The following EIF4ENIF1 variants were observed in gnomAD, a reference collection of about 807,000 sequenced individuals.
EIF4ENIF1 encodes eukaryotic translation initiation factor 4E transporter.
In EIF4ENIF1, 23 loss-of-function variants were observed where a neutral mutation model predicts 110.5. The ratio of observed to expected loss-of-function variants is 0.21; its 90% CI spans 0.15 to 0.29. The LOEUF is 0.29. Among genes scored for constraint, EIF4ENIF1 ranks in the 10% least tolerant of loss-of-function variants. The pLI is 1.00. For missense variants in EIF4ENIF1, 1,031 were observed against 1,221.1 expected (o/e 0.84, Z 2.32); for synonymous variants, 440 against 437.0 (o/e 1.01, Z -0.09).
intron 2 of EIF4ENIF1, among the ~76,000 whole-genome samples, chr22:31,486,843 G>C (rs1437479309): frequency 6.6e-6 from 1 of 152,116 alleles, no homozygotes; most frequent in Non-Finnish European, 1.5e-5. Context: ...CACTTTGGGA[G>C]GCCAAGGCGG....
In EIF4ENIF1 at chr22:31,464,958, A is replaced by G. The variant is rs536112473; in HGVS notation, c.299-991T>C. On this transcript the variant is annotated intron_variant, in intron 4 of 18. Transcript: ENST00000330125. Reference sequence around the variant, plus strand: ...GAAAGACACTGTTTAGAGAATGCAAAGACAAGCCACAGACTGAGACAAAAT... The same window carrying G: ...GAAAGACACTGTTTAGAGAATGCAAGGACAAGCCACAGACTGAGACAAAAT... Among the ~76,000 whole-genome samples the G allele has an allele frequency of 2.0e-5, 3 of 151,760 alleles. 1 individual carries two copies. In the South Asian group the frequency reaches 6.3e-4, roughly 32 times the overall value.
At chr22:31,467,859 T>C (rs1292453540) in intron 4 of EIF4ENIF1, among the ~76,000 whole-genome samples, 1 of 151,898 alleles carries the variant, frequency 6.6e-6, no homozygotes, top group Non-Finnish European at 1.5e-5. Flanking sequence ...TGGTCTCACA[T>C]ATGAAAGAAA....
At chr22:31,440,611 A>G (rs2050261292) in intron 18 of EIF4ENIF1, 93 bp downstream of exon 18, 2 of 1,414,332 alleles carry the variant, frequency 1.4e-6, no homozygotes, top group Non-Finnish European at 1.9e-6. Flanking sequence ...TAAAGAATGA[A>G]AGTGTTAATT....
At chr22:31,447,975 T>C (rs891285697) in intron 13 of EIF4ENIF1, among the ~76,000 whole-genome samples, 178 bp downstream of exon 13, 4 of 152,080 alleles carry the variant, frequency 2.6e-5, no homozygotes, top group African/African-American at 9.7e-5. Context: ...AAATTTACTT[T>C]TGGGCTCAAG....
chr22:31,444,513 T>G, intron 15 of EIF4ENIF1, 93 bp downstream of exon 15: 1 of 1,223,754 alleles, frequency 8.2e-7, no homozygotes, highest in Non-Finnish European at 1.2e-6. Context: ...TGGAAGGAAC[T>G]CAAGGACATT....
rs538703758 is a variant in EIF4ENIF1 at position 31,440,576 on chromosome 22, A to G, written c.2716+128T>C. ...TTACTTCATCTTATTATCTGGTTAC[A>G]CTTTGTCCCAAACTTAGAACAAGTT... On this transcript the variant is annotated intron_variant, in intron 18 of 18. Transcript: ENST00000330125. The G allele has an allele frequency of 7.6e-6, 9 of 1,183,630 alleles. No individual in the cohort carries two copies. In the South Asian group the frequency reaches 1.3e-4, roughly 16 times the overall value. The allele number at this position is 1,183,630 out of a possible 1,614,324, so 73.3% of individuals were successfully genotyped here.
chr22:31,460,583 C>T (rs1043366910), intron 6 of EIF4ENIF1, among the ~76,000 whole-genome samples: 7 of 151,222 alleles, frequency 4.6e-5, no homozygotes, highest in Admixed American at 1.3e-4. Context: ...GAGCCAAGAT[C>T]GCACCACTGC....
chr22:31,443,204 A>G lies in EIF4ENIF1; in HGVS notation c.2074-110T>C, dbSNP rs995232526. 21 of 1,446,648 alleles carry G rather than the reference A, an allele frequency of 1.5e-5. No individual in the cohort carries two copies. In the African/African-American group the frequency reaches 2.1e-4, roughly 15 times the overall value. 89.6% of individuals were successfully genotyped at this position (1,446,648 alleles called of 1,614,324 possible). On this transcript the variant is annotated intron_variant, in intron 15 of 18. Coordinates refer to ENST00000330125, the MANE Select transcript of EIF4ENIF1 (RefSeq NM_019843.4). Reference sequence around the variant, plus strand: ...AACAAAGAGTCCCCACATTGGTAGCATAGGCCAACTGTAGTATTCTGTTCT... The same window carrying G: ...AACAAAGAGTCCCCACATTGGTAGCGTAGGCCAACTGTAGTATTCTGTTCT...
chr22:31,455,338 T>G (rs2050780365), intron 8 of EIF4ENIF1, 23 bp from the exon 9 acceptor site: 13 of 1,486,936 alleles, frequency 8.7e-6, no homozygotes, highest in Non-Finnish European at 1.2e-5. Context: ...ATAAACATAC[T>G]CAAAATTAAT....
Position 31,467,026 on chromosome 22 carries a change from T to G in EIF4ENIF1, c.298+1149A>C, listed in dbSNP as rs1318270556. Among the ~76,000 whole-genome samples, 3 of 152,196 alleles carry G rather than the reference T, an allele frequency of 2.0e-5. No homozygotes were observed. In the East Asian group the frequency reaches 5.8e-4, roughly 29 times the overall value. On this transcript the variant is annotated intron_variant, in intron 4 of 18. Coordinates refer to ENST00000330125, the MANE Select transcript of EIF4ENIF1 (RefSeq NM_019843.4). ...ATATGGAGAGTTTTCTATGAGTCAG[T>G]ACGTCATGAACATTATTTGCCAATA... is the stretch of plus-strand genomic sequence containing the variant.
At chr22:31,469,127 A>G (rs746596179) in intron 3 of EIF4ENIF1, among the ~76,000 whole-genome samples, 14 of 152,156 alleles carry the variant, frequency 9.2e-5, no homozygotes, top group African/African-American at 3.1e-4. Flanking sequence ...TTCTCTGTGT[A>G]ATGATGGGGT....
At chr22:31,470,290 G>GT (rs572845057) in intron 3 of EIF4ENIF1, among the ~76,000 whole-genome samples, 1,989 of 149,536 alleles carry the variant, frequency 0.013, 42 homozygotes, top group African/African-American at 0.044. Flanking sequence ...TTGTTGTTTT[G>GT]TTTTTTTTGA....
At chr22:31,487,659 G>A (rs542322563) in intron 2 of EIF4ENIF1, among the ~76,000 whole-genome samples, 42 of 152,156 alleles carry the variant, frequency 2.8e-4, no homozygotes, top group Middle Eastern at 3.4e-3. Context: ...GCGTACTGGT[G>A]CACGCCTGTG....
intron 18 of EIF4ENIF1, 149 bp from the exon 19 acceptor site, chr22:31,440,270 G>A: frequency 8.3e-7 from 1 of 1,203,504 alleles, no homozygotes; most frequent in Non-Finnish European, 1.2e-6. Context: ...TACCAACAAT[G>A]CCAGAAAACA....
intron 10 of EIF4ENIF1, chr22:31,450,839 TATACTAC>T (rs1169648991): frequency 7.0e-6 from 1 of 142,324 alleles, no homozygotes; most frequent in Non-Finnish European, 1.4e-5. Flanking sequence ...CACATATATA[TATACTAC>T]ACACACACAC....
intron 2 of EIF4ENIF1, among the ~76,000 whole-genome samples, chr22:31,487,750 A>G (rs2052096745): frequency 6.7e-6 from 1 of 148,852 alleles, no homozygotes; most frequent in Non-Finnish European, 1.5e-5. Context: ...TGATTGCACC[A>G]CTGCATTCCA....
intron 17 of EIF4ENIF1, 72 bp from the exon 18 acceptor site, chr22:31,440,940 G>A: frequency 6.4e-7 from 1 of 1,571,196 alleles, no homozygotes; most frequent in Non-Finnish European, 8.7e-7. Flanking sequence ...TCACTGTACA[G>A]TTTTGCTGAT....
intron 4 of EIF4ENIF1, chr22:31,464,298 G>GA (rs2051098828): frequency 1.3e-5 from 3 of 236,376 alleles, no homozygotes; most frequent in African/African-American, 4.6e-5. Context: ...AGGCGTATTT[G>GA]AAAAAATAAC....
intron 4 of EIF4ENIF1, among the ~76,000 whole-genome samples, chr22:31,466,492 C>A (rs745407089): frequency 5.3e-5 from 8 of 151,590 alleles, no homozygotes; most frequent in Non-Finnish European, 8.8e-5. Flanking sequence ...TGAGGCAAGA[C>A]AATCGCTTTA....
Sources: gnomAD v4.1 joint callset for allele counts (sites outside exome capture counted in the v4.1 genomes callset) on GRCh38, gnomAD v4.1.1 for gene constraint, MANE v1.5 for transcripts, NCBI Gene and HGNC (gene_info 2026-07-23, HGNC 2026-07-21) for gene names.